ACAD10: variants seen among roughly 807,000 people sequenced by gnomAD.
ACAD10 encodes the protein ACAD-10.
Under a neutral mutation model 116.8 loss-of-function variants are expected in ACAD10, and 112 were observed. The observed-to-expected ratio is 0.96, with a 90% CI of 0.82 to 1.12. ACAD10 has a LOEUF of 1.12. Ranked by LOEUF, ACAD10 falls within the 50% of genes most tolerant of loss-of-function variation. The pLI, the probability that ACAD10 is intolerant of heterozygous loss-of-function variation, is 0.00. For missense variants in ACAD10, 1,259 were observed against 1,350.2 expected, an observed-to-expected ratio of 0.93 and a Z score of 1.06; for synonymous variants, 486 against 510.6, an observed-to-expected ratio of 0.95 and a Z score of 0.65.
intron 3 of ACAD10, 51 bp downstream of exon 3, chr12:111,702,361 A>ACATTTTCTTTTTCTT: frequency 6.3e-7 from 1 of 1,592,272 alleles, no homozygotes; most frequent in Non-Finnish European, 8.6e-7. Flanking sequence ...TGCCTTGAGT[A>ACATTTTCTTTTTCTT]GTGGTTGCAA....
intron 18 of ACAD10, among the ~76,000 whole-genome samples, chr12:111,750,249 G>A (rs1890036884): frequency 6.6e-6 from 1 of 151,436 alleles, no homozygotes; most frequent in South Asian, 2.1e-4. Context: ...CCGCCACCAT[G>A]CCTGGCTAAT....
rs529031476 is a variant in ACAD10 at position 111,705,661 on chromosome 12, A to T, written c.337-77A>T. 85 of 1,232,814 alleles carry T rather than the reference A, an allele frequency of 6.9e-5. No individual in the cohort carries two copies. The African/African-American group carries it at 9.7e-4, about 14-fold the overall frequency. The allele number at this position is 1,232,814 out of a possible 1,614,324, so 76.4% of individuals were successfully genotyped here. A position where few individuals can be genotyped will look rare whatever the true frequency, so the allele number is the denominator to read the frequency against. Reference sequence around the variant, plus strand: ...GAGCAGAAGGACGCCAGGAATAAGCATTTTTTTTTTCTGTTGGCCATGAGT... The same window carrying T: ...GAGCAGAAGGACGCCAGGAATAAGCTTTTTTTTTTTCTGTTGGCCATGAGT... On this transcript the variant is annotated intron_variant, in intron 3 of 20. Coordinates refer to ENST00000313698, the MANE Select transcript of ACAD10 (RefSeq NM_025247.6).
chr12:111,688,231 CTCTT>C (rs1362838162), intron 1 of ACAD10: 1 of 152,182 alleles, frequency 6.6e-6, no homozygotes, highest in Admixed American at 6.6e-5. Flanking sequence ...AAGTAAATTT[CTCTT>C]TCTATCATAA....
At chr12:111,704,804 CA>C (rs1343184619) in intron 3 of ACAD10, among the ~76,000 whole-genome samples, 2 of 150,940 alleles carry the variant, frequency 1.3e-5, no homozygotes, top group Non-Finnish European at 2.9e-5. Flanking sequence ...TCTCCTGCCT[CA>C]GCCTCCCCAG....
intron 18 of ACAD10, among the ~76,000 whole-genome samples, chr12:111,751,183 T>C (rs1276852570): frequency 1.3e-5 from 2 of 152,192 alleles, no homozygotes; most frequent in East Asian, 1.9e-4. Context: ...AGCAAAATTC[T>C]GAACAACCTA....
At chr12:111,718,504 A>G (rs1218458051) in intron 7 of ACAD10, among the ~76,000 whole-genome samples, 5 of 148,044 alleles carry the variant, frequency 3.4e-5, no homozygotes, top group Non-Finnish European at 7.5e-5. Flanking sequence ...TTTGAGGCGG[A>G]GTTTTTGCTC....
At chr12:111,745,235 G>A (rs1889858361) in intron 13 of ACAD10, 192 bp downstream of exon 13, 1 of 668,644 alleles carries the variant, frequency 1.5e-6, no homozygotes, top group African/African-American at 1.8e-5. Context: ...TGCTGTGCCT[G>A]TGTCACAGGC....
At chr12:111,736,288 G>T (rs1008069905) in intron 11 of ACAD10, among the ~76,000 whole-genome samples, 4 of 148,054 alleles carry the variant, frequency 2.7e-5, no homozygotes, top group African/African-American at 1.0e-4. Context: ...CTGGATTCAT[G>T]CAATTCTCCT....
intron 2 of ACAD10, among the ~76,000 whole-genome samples, chr12:111,693,888 C>T (rs1888122777): frequency 6.6e-6 from 1 of 152,170 alleles, no homozygotes; most frequent in Non-Finnish European, 1.5e-5. Context: ...GTCTGGGGCA[C>T]TGTGTGATGC....
At chr12:111,744,590 C>T in intron 12 of ACAD10, 53 bp from the exon 13 acceptor site, 1 of 1,563,308 alleles carries the variant, frequency 6.4e-7, no homozygotes, top group South Asian at 1.2e-5. Context: ...ATGTTAACAT[C>T]CCTATGATGG....
intron 8 of ACAD10, among the ~76,000 whole-genome samples, chr12:111,722,298 A>G (rs1889037162): frequency 6.6e-6 from 1 of 152,176 alleles, no homozygotes; most frequent in Non-Finnish European, 1.5e-5. Flanking sequence ...TCCTGACCTC[A>G]CGTGATCCAC....
chr12:111,745,364 T>A, intron 13 of ACAD10: 1 of 411,564 alleles, frequency 2.4e-6, no homozygotes, highest in Non-Finnish European at 4.3e-6. Context: ...CAGTGCTGTA[T>A]CAGCTAATAA....
rs757552774 is a variant in ACAD10 at position 111,755,704 on chromosome 12, G to A, written c.2998G>A (p.Ala1000Thr). The change falls in exon 20 of 21, where the codon GCC (alanine) becomes ACC (threonine). Residue 1000 changes from alanine to threonine, a missense_variant. Ala to Thr is a moderately conservative substitution (Grantham distance 58). Coordinates refer to ENST00000313698, the MANE Select transcript of ACAD10 (RefSeq NM_025247.6). ...GGATATAGCCATGATTAAAATGGTC[G>A]CCCCGTCCATGGCCTCCCGAGTGAT... ...ALDIAMIKMVAPSMASRVIDR... is the reference protein window; with the variant it reads ...ALDIAMIKMVTPSMASRVIDR... 5.0e-6 allele frequency: 8 copies of A among 1,613,536 alleles called. No homozygotes were observed. The highest frequency in any genetic ancestry group is 2.2e-5 in the South Asian group (2 of 91,068).
intron 4 of ACAD10, among the ~76,000 whole-genome samples, chr12:111,707,712 A>T (rs1312854523): frequency 6.6e-6 from 1 of 152,186 alleles, no homozygotes; most frequent in African/African-American, 2.4e-5. Flanking sequence ...TGGAAGAGCT[A>T]CTTTTGCTGG....
chr12:111,690,524 C>T (rs1281544303), intron 1 of ACAD10: 1 of 152,024 alleles, frequency 6.6e-6, no homozygotes, highest in African/African-American at 2.4e-5. Context: ...GTGACTCACA[C>T]CTGTAATTCC....
chr12:111,715,985 G>C (rs771592001), intron 7 of ACAD10, 23 bp downstream of exon 7: 24 of 1,613,532 alleles, frequency 1.5e-5, no homozygotes, highest in Non-Finnish European at 2.0e-5. Flanking sequence ...GGCCAGGGGA[G>C]CACTTGCCCA....
At chr12:111,749,875 A>C (rs1890022661) in intron 18 of ACAD10, 1 of 150,714 alleles carries the variant, frequency 6.6e-6, no homozygotes, top group African/African-American at 2.4e-5. Context: ...CCCGGGTTCA[A>C]GCAATTCTCC....
At chr12:111,689,877 G>A (rs1215582125) in intron 1 of ACAD10, among the ~76,000 whole-genome samples, 3 of 151,938 alleles carry the variant, frequency 2.0e-5, no homozygotes, top group African/African-American at 2.4e-5. Context: ...CACCACGCCC[G>A]GCTAATTTTT....
intron 18 of ACAD10, 95 bp downstream of exon 18, chr12:111,749,440 C>T: frequency 1.4e-6 from 2 of 1,461,554 alleles, no homozygotes; most frequent in Non-Finnish European, 1.8e-6. Flanking sequence ...TGAGTGCAGT[C>T]CTAGCAGGTG....
Sources: allele counts gnomAD v4.1 joint callset (sites outside exome capture counted in the v4.1 genomes callset), GRCh38; gene constraint gnomAD v4.1.1; transcripts MANE v1.5; gene names NCBI Gene and HGNC (gene_info 2026-07-23, HGNC 2026-07-21).